The following DLG2 variants were observed in gnomAD, a reference collection of about 807,000 sequenced individuals.
DLG2 encodes the protein disks large homolog 2.
In DLG2, 45 loss-of-function variants were observed where a neutral mutation model predicts 132.5. That is an observed-to-expected ratio of 0.34 (90% CI 0.27 to 0.44). DLG2 has a LOEUF of 0.44. DLG2 is among the 20% of genes least tolerant of loss of function. DLG2 has a pLI of 1.00. For synonymous variants in DLG2, 424 were observed against 419.6 expected, an observed-to-expected ratio of 1.01 and a Z score of -0.13; for missense variants, 1,045 against 1,196.9, an observed-to-expected ratio of 0.87 and a Z score of 1.87.
intron 3 of DLG2, among the ~76,000 whole-genome samples, chr11:85,425,004 T>C (rs1399510894): frequency 6.8e-6 from 1 of 148,060 alleles, no homozygotes; most frequent in Non-Finnish European, 1.5e-5. Flanking sequence ...CCACTGAAGT[T>C]AGTACTTCTA....
At chr11:85,614,626 G>T (rs2081225454) in intron 2 of DLG2, among the ~76,000 whole-genome samples, 1 of 152,108 alleles carries the variant, frequency 6.6e-6, no homozygotes, top group African/African-American at 2.4e-5. Flanking sequence ...GGCAACGAGA[G>T]TGCAACTCCA....
chr11:85,267,476 G>C (rs2077284165), intron 4 of DLG2, among the ~76,000 whole-genome samples: 1 of 152,066 alleles, frequency 6.6e-6, no homozygotes, highest in Non-Finnish European at 1.5e-5. Context: ...ACAGAGATCT[G>C]ATCTCACTTA....
chr11:83,934,900 C>T (rs11233816), intron 14 of DLG2, among the ~76,000 whole-genome samples: 3,139 of 151,760 alleles, frequency 0.021, 46 homozygotes, highest in Non-Finnish European at 0.035. Context: ...GTGATCAGTA[C>T]CTTTTATTCT....
chr11:84,295,473 T>C lies in DLG2; in HGVS notation c.520-44182A>G, dbSNP rs2098077776. 3.3e-5 allele frequency among the ~76,000 whole-genome samples: 5 copies of C among 152,190 alleles called. No homozygotes were observed. In the South Asian group the frequency reaches 1.0e-3, roughly 31 times the overall value. On this transcript the variant is annotated intron_variant, in intron 7 of 27. Coordinates refer to ENST00000376104, the MANE Select transcript of DLG2 (RefSeq NM_001142699.3). ...ATGGCTATACTAATTTTCACTGTAT[T>C]CTCTTCTGGGGGTGCCTTGATGAAG...
intron 18 of DLG2, among the ~76,000 whole-genome samples, chr11:83,745,304 A>G (rs565536603): frequency 6.6e-6 from 1 of 152,334 alleles, no homozygotes; most frequent in East Asian, 1.9e-4. Flanking sequence ...ATGCAACACT[A>G]TCCTTGAACT....
At chr11:84,095,190 C>A (rs1050409265) in intron 10 of DLG2, among the ~76,000 whole-genome samples, 2 of 151,660 alleles carry the variant, frequency 1.3e-5, no homozygotes, top group Non-Finnish European at 2.9e-5. Flanking sequence ...GGAACAGAGG[C>A]AAGAGGAGAG....
intron 6 of DLG2, among the ~76,000 whole-genome samples, chr11:85,060,610 A>G (rs1447861405): frequency 6.6e-6 from 1 of 151,684 alleles, no homozygotes; most frequent in East Asian, 1.9e-4. Context: ...TCTACCTCAT[A>G]GATATTGTGA....
intron 6 of DLG2, among the ~76,000 whole-genome samples, chr11:84,840,192 T>A (rs1214069008): frequency 1.3e-5 from 2 of 151,944 alleles, no homozygotes; most frequent in Non-Finnish European, 2.9e-5. Context: ...TATGAACAGG[T>A]GCTTCTCAAA....
chr11:84,365,304 G>T (rs1256064747), intron 7 of DLG2, among the ~76,000 whole-genome samples: 1 of 152,120 alleles, frequency 6.6e-6, no homozygotes, highest in Non-Finnish European at 1.5e-5. Flanking sequence ...TTGCGTAGAG[G>T]TGTTTGTAGT....
At chr11:84,064,700 AG>A (rs2096644816) in intron 10 of DLG2, among the ~76,000 whole-genome samples, 1 of 152,198 alleles carries the variant, frequency 6.6e-6, no homozygotes, top group South Asian at 2.1e-4. Flanking sequence ...AAGAGACTAT[AG>A]TGAGGGAAAA....
At chr11:83,876,017 G>C (rs780884774) in intron 15 of DLG2, among the ~76,000 whole-genome samples, 3 of 152,142 alleles carry the variant, frequency 2.0e-5, no homozygotes, top group Non-Finnish European at 4.4e-5. Context: ...CATTGATCAT[G>C]TTTTCAATTG....
intron 6 of DLG2, among the ~76,000 whole-genome samples, chr11:84,817,712 T>C (rs753508694): frequency 9.2e-5 from 14 of 151,988 alleles, no homozygotes; most frequent in Non-Finnish European, 5.9e-5. Flanking sequence ...TGGTTTCAAC[T>C]AGTAATGGGT....
At chr11:84,597,478 T>C (rs2099564954) in intron 6 of DLG2, among the ~76,000 whole-genome samples, 1 of 152,162 alleles carries the variant, frequency 6.6e-6, no homozygotes, top group Non-Finnish European at 1.5e-5. Flanking sequence ...CTTTTTAACA[T>C]GAGAACAATG....
intron 11 of DLG2, among the ~76,000 whole-genome samples, chr11:84,013,549 G>C (rs1273915476): frequency 6.6e-6 from 1 of 152,028 alleles, no homozygotes; most frequent in African/African-American, 2.4e-5. Flanking sequence ...CTCTTTAATA[G>C]CCTACAGCAA....
In DLG2 at chr11:84,059,467, A is replaced by G; in HGVS notation, c.767T>C (p.Leu256Ser). Residue 256 changes from leucine (L) to serine (S), a missense_variant, in exon 11 of 28, where the codon TTG becomes TCG. Coordinates refer to ENST00000376104, the MANE Select transcript of DLG2 (RefSeq NM_001142699.3). ...TGACACATCAACCTCATTCACCCGC[A>G]AGATACAATCATTGACCCTGCAAGG... ...DGRLRVNDCI[L>S]RVNEVDVSEV... 2 of 1,604,758 alleles carry G rather than the reference A, an allele frequency of 1.2e-6. No homozygotes were observed. Among genetic ancestry groups the G allele is most frequent in the Non-Finnish European group, 1.7e-6 (2 of 1,175,782 alleles).
intron 15 of DLG2, among the ~76,000 whole-genome samples, chr11:83,896,754 T>G (rs1242864485): frequency 6.6e-6 from 1 of 152,222 alleles, no homozygotes; most frequent in Non-Finnish European, 1.5e-5. Flanking sequence ...GGTTTATCAC[T>G]GATTTATGGT....
intron 15 of DLG2, among the ~76,000 whole-genome samples, chr11:83,921,506 A>G (rs2077900109): frequency 6.6e-6 from 1 of 152,208 alleles, no homozygotes; most frequent in Admixed American, 6.6e-5. Context: ...GTTGGTACAT[A>G]TAAAACTTCT....
chr11:84,355,386 G>C (rs1838545995), intron 7 of DLG2, among the ~76,000 whole-genome samples: 1 of 151,894 alleles, frequency 6.6e-6, no homozygotes, highest in African/African-American at 2.4e-5. Context: ...GGAGGTGACT[G>C]GATCATGAGG....
chr11:85,380,322 T>C (rs2085773069), intron 3 of DLG2, among the ~76,000 whole-genome samples: 1 of 152,234 alleles, frequency 6.6e-6, no homozygotes, highest in South Asian at 2.1e-4. Context: ...TTTATTTCAT[T>C]AAGGTAAATT....
Sources: gnomAD v4.1 joint callset for allele counts (sites outside exome capture counted in the v4.1 genomes callset) on GRCh38, gnomAD v4.1.1 for gene constraint, MANE v1.5 for transcripts, NCBI Gene and HGNC (gene_info 2026-07-23, HGNC 2026-07-21) for gene names.